The following RORB variants were observed in gnomAD, a reference collection of about 807,000 sequenced individuals.
The protein encoded by RORB is RAR related orphan receptor B.
Under a neutral mutation model 59.1 loss-of-function variants are expected in RORB, and 6 were observed. The ratio of observed to expected loss-of-function variants is 0.10; its 90% CI spans 0.06 to 0.20. The LOEUF is 0.20. Among genes scored for constraint, RORB ranks in the 10% least tolerant of loss-of-function variants. The pLI, the probability that RORB is intolerant of heterozygous loss-of-function variation, is 1.00. For missense variants in RORB, 320 were observed against 560.5 expected, an observed-to-expected ratio of 0.57 and a Z score of 4.33; for synonymous variants, 215 against 204.5, an observed-to-expected ratio of 1.05 and a Z score of -0.44.
intron 3 of RORB, among the ~76,000 whole-genome samples, chr9:74,638,776 C>T (rs1823745268): frequency 6.6e-6 from 1 of 152,098 alleles, no homozygotes; most frequent in Admixed American, 6.6e-5. Flanking sequence ...ACTGTTATTG[C>T]AAGAAGAGGC....
chr9:74,623,533 T>C (rs1823458870), intron 1 of RORB, among the ~76,000 whole-genome samples: 1 of 152,062 alleles, frequency 6.6e-6, no homozygotes, highest in Admixed American at 6.5e-5. Flanking sequence ...CAGAGACCAC[T>C]TTTCCAGAAT....
chr9:74,567,722 T>C (rs1373705021), intron 1 of RORB, among the ~76,000 whole-genome samples: 1 of 152,148 alleles, frequency 6.6e-6, no homozygotes, highest in African/African-American at 2.4e-5. Context: ...GTAAGGAAAA[T>C]GGTACCACTT....
chr9:74,591,202 G>C (rs995083784), intron 1 of RORB, among the ~76,000 whole-genome samples: 2 of 152,196 alleles, frequency 1.3e-5, no homozygotes, highest in African/African-American at 4.8e-5. Flanking sequence ...ATTTCTAGTT[G>C]AGTTTTTGTA....
chr9:74,569,677 T>A (rs1046758626), intron 1 of RORB, among the ~76,000 whole-genome samples: 5 of 152,000 alleles, frequency 3.3e-5, no homozygotes, highest in Admixed American at 3.3e-4. Context: ...TTAAAAATAA[T>A]CTACAAAATT....
At chr9:74,666,671 G>A (rs990133607) in intron 7 of RORB, among the ~76,000 whole-genome samples, 7 of 151,998 alleles carry the variant, frequency 4.6e-5, no homozygotes, top group African/African-American at 1.7e-4. Flanking sequence ...AATTAAATGA[G>A]GAGCTCCTCT....
At chr9:74,629,139 ATCTT>A (rs1177520723) in intron 1 of RORB, among the ~76,000 whole-genome samples, 1 of 151,730 alleles carries the variant, frequency 6.6e-6, no homozygotes, top group African/African-American at 2.4e-5. Context: ...CCTTTGAACC[ATCTT>A]TCTATTTACA....
chr9:74,556,413 T>C (rs1040088426), intron 1 of RORB, among the ~76,000 whole-genome samples: 5 of 152,150 alleles, frequency 3.3e-5, no homozygotes, highest in Admixed American at 2.0e-4. Flanking sequence ...AATGATCTTA[T>C]CTCTACAGCA....
At chr9:74,617,741 A>T (rs1179506319) in intron 1 of RORB, among the ~76,000 whole-genome samples, 1 of 152,158 alleles carries the variant, frequency 6.6e-6, no homozygotes, top group Non-Finnish European at 1.5e-5. Flanking sequence ...TTCTAGAGTG[A>T]CGTTCTAAAT....
chr9:74,542,896 C>A (rs1826430914), intron 1 of RORB, among the ~76,000 whole-genome samples: 1 of 152,114 alleles, frequency 6.6e-6, no homozygotes, highest in Admixed American at 6.6e-5. Context: ...CTTTGTAGTG[C>A]CAGGCAACGT....
rs534182255 is a variant in RORB at position 74,544,592 on chromosome 9, A to G, written c.7+46609A>G. Among the ~76,000 whole-genome samples the G allele has an allele frequency of 5.3e-5, 8 of 152,268 alleles. No individual in the cohort carries two copies. The South Asian group carries it at 1.7e-3, about 32-fold the overall frequency. ...CCTTCTTGCCTATTCTTCTCCCTCC[A>G]AACGCAGCCTTACTGGGCTGTCATG... On this transcript the variant is annotated intron_variant, in intron 1 of 9. Transcript: ENST00000376896.
At chr9:74,676,751 C>A (rs780555401) in intron 9 of RORB, among the ~76,000 whole-genome samples, 81 of 152,216 alleles carry the variant, frequency 5.3e-4, no homozygotes, top group Non-Finnish European at 7.1e-4. Flanking sequence ...AGTTATATCC[C>A]GTCCCCCGCG....
At chr9:74,578,119 A>G (rs558748867) in intron 1 of RORB, among the ~76,000 whole-genome samples, 1 of 152,168 alleles carries the variant, frequency 6.6e-6, no homozygotes, top group Admixed American at 6.6e-5. Context: ...CTTGGGACTA[A>G]ACACTGCCTC....
At chr9:74,654,485 A>G (rs1046264674) in intron 4 of RORB, among the ~76,000 whole-genome samples, 4 of 152,128 alleles carry the variant, frequency 2.6e-5, no homozygotes, top group African/African-American at 9.7e-5. Context: ...ACTATTGAGA[A>G]TTACCATCAA....
intron 1 of RORB, among the ~76,000 whole-genome samples, chr9:74,544,649 G>C (rs1013592374): frequency 6.6e-6 from 1 of 152,170 alleles, no homozygotes; most frequent in Non-Finnish European, 1.5e-5. Flanking sequence ...TCCCTGACTA[G>C]GAAACCTCAT....
chr9:74,546,027 A>G (rs1239060664), intron 1 of RORB, among the ~76,000 whole-genome samples: 1 of 152,224 alleles, frequency 6.6e-6, no homozygotes, highest in African/African-American at 2.4e-5. Flanking sequence ...GATACTAATG[A>G]TAGTTTTTAT....
chr9:74,636,616 TAGTGTCTA>T (rs1823708128), intron 3 of RORB, among the ~76,000 whole-genome samples: 1 of 152,202 alleles, frequency 6.6e-6, no homozygotes, highest in South Asian at 2.1e-4. Context: ...AAGAGCAATA[TAGTGTCTA>T]AGGACACTGA....
intron 1 of RORB, among the ~76,000 whole-genome samples, chr9:74,502,900 G>T (rs893753885): frequency 6.6e-6 from 1 of 151,702 alleles, no homozygotes; most frequent in Non-Finnish European, 1.5e-5. Flanking sequence ...ATAATATGAG[G>T]ATAATTTCTT....
chr9:74,615,373 A>G (rs1563953435), intron 1 of RORB, among the ~76,000 whole-genome samples: 1 of 152,236 alleles, frequency 6.6e-6, no homozygotes, highest in Admixed American at 6.5e-5. Context: ...AATAAGTAGC[A>G]TCAAAAAGAA....
intron 1 of RORB, among the ~76,000 whole-genome samples, chr9:74,500,760 G>GGAAA (rs1825794418): frequency 6.6e-6 from 1 of 152,106 alleles, no homozygotes; most frequent in African/African-American, 2.4e-5. Flanking sequence ...GAAGCTACGG[G>GGAAA]GAAAGAAAGG....
Sources: allele counts gnomAD v4.1 joint callset (sites outside exome capture counted in the v4.1 genomes callset), GRCh38; gene constraint gnomAD v4.1.1; transcripts MANE v1.5; gene names NCBI Gene and HGNC (gene_info 2026-07-23, HGNC 2026-07-21).